Variants in KDM7A observed in about 807,000 individuals in gnomAD.
KDM7A encodes the protein lysine-specific demethylase 7A.
Under a neutral mutation model 114.8 loss-of-function variants are expected in KDM7A, and 28 were observed. The observed-to-expected ratio is 0.24, with a 90% CI of 0.18 to 0.33. The LOEUF (loss-of-function observed/expected upper bound fraction) is 0.33. Among genes scored for constraint, KDM7A ranks in the 10% least tolerant of loss-of-function variants. The pLI is 1.00. For synonymous variants in KDM7A, 423 were observed against 397.8 expected, an observed-to-expected ratio of 1.06 and a Z score of -0.75; for missense variants, 942 against 1,142.5, an observed-to-expected ratio of 0.82 and a Z score of 2.53.
At position 140,096,712 on chromosome 7, in the gene KDM7A, C is replaced by T. The variant is rs765601569; in HGVS notation, c.2217G>A (p.Leu739=). ...TGGAATAGTGCAACCCTGCCATAGA[C>T]AGCATGCCCTGAATAGCTTCTTCCT... is the stretch of plus-strand genomic sequence containing the variant. ...STEEEAIQGM[L]SMAGLHYSTC... The change falls in exon 17 of 20, where the codon CTG becomes CTA. Residue 739 remains leucine, a synonymous_variant. Coordinates refer to ENST00000397560, the MANE Select transcript of KDM7A (RefSeq NM_030647.2). The T allele has an allele frequency of 6.2e-7, 1 of 1,614,182 alleles. No homozygotes were observed. Among genetic ancestry groups the T allele is most frequent in the South Asian group, 1.1e-5 (1 of 91,082 alleles).
intron 11 of KDM7A, among the ~76,000 whole-genome samples, chr7:140,110,544 C>T (rs1818413821): frequency 6.6e-6 from 1 of 152,166 alleles, no homozygotes; most frequent in Non-Finnish European, 1.5e-5. Flanking sequence ...TAGACACTAA[C>T]AGAACAACCT....
chr7:140,110,230 G>A (rs1818410088), intron 11 of KDM7A, among the ~76,000 whole-genome samples: 1 of 151,996 alleles, frequency 6.6e-6, no homozygotes, highest in African/African-American at 2.4e-5. Context: ...TATTCTTCAT[G>A]TTGGTTATCA....
At chr7:140,127,394 T>C in intron 5 of KDM7A, 48 bp downstream of exon 5, 2 of 1,506,302 alleles carry the variant, frequency 1.3e-6, no homozygotes, top group African/African-American at 1.4e-5. Flanking sequence ...TTACACTACA[T>C]TTAGCTAACA....
chr7:140,088,876 C>A lies in KDM7A; in HGVS notation c.*2218G>T. 1 of 178,108 alleles carries A rather than the reference C, an allele frequency of 5.6e-6. No individual in the cohort carries two copies. The highest frequency in any genetic ancestry group is 1.2e-5 in the Non-Finnish European group (1 of 86,148). 11.0% of individuals were successfully genotyped at this position (178,108 alleles called of 1,614,324 possible). A position where few individuals can be genotyped will look rare whatever the true frequency, so the allele number is the denominator to read the frequency against. ...AAATAAATTAAATTTCATTTTAATT[C>A]ATAAAAATAAAGTTTAATTTTAATT... On this transcript the variant is annotated 3_prime_UTR_variant, in exon 20 of 20. Coordinates refer to ENST00000397560, the MANE Select transcript of KDM7A (RefSeq NM_030647.2).
chr7:140,104,790 C>T (rs552889846), intron 11 of KDM7A, among the ~76,000 whole-genome samples: 1 of 151,704 alleles, frequency 6.6e-6, no homozygotes, highest in East Asian at 1.9e-4. Flanking sequence ...TTTTTTGGTT[C>T]CATATGAACT....
rs1366768906 is a variant in KDM7A at position 140,096,975 on chromosome 7, T to C, written c.2089A>G (p.Lys697Glu). ...TTCCTCATCACATTAGATTCCTCCT[T>C]AAAGTTGGATGTTATTTCTTGTTTC... ...EKKQEITSNF[K>E]EESNVMRNFL... is the part of the protein sequence containing the mutation. The change falls in exon 16 of 20, where the codon AAG (lysine) becomes GAG (glutamate). Residue 697 changes from lysine (K) to glutamate (E), a missense_variant. Transcript: ENST00000397560. 5.6e-6 allele frequency: 9 copies of C among 1,612,744 alleles called. No individual in the cohort carries two copies. The highest frequency in any genetic ancestry group is 1.1e-5 in the South Asian group (1 of 91,060).
intron 1 of KDM7A, among the ~76,000 whole-genome samples, chr7:140,164,672 C>T (rs1038826704): frequency 2.0e-5 from 3 of 152,130 alleles, no homozygotes; most frequent in Non-Finnish European, 4.4e-5. Context: ...AAACTGTTAA[C>T]TATTTTTAAT....
Position 140,100,641 on chromosome 7 carries a change from T to C in KDM7A, c.1639-618A>G, listed in dbSNP as rs544439833. ...CTTAAAACATTATAATTACATACAA[T>C]TTAAAATATTTTAAAAAGTTATATA... On this transcript the variant is annotated intron_variant, in intron 12 of 19. Transcript: ENST00000397560. Among the ~76,000 whole-genome samples, 30 of 142,686 alleles carry C rather than the reference T, an allele frequency of 2.1e-4. No homozygotes were observed. The South Asian group carries it at 6.2e-3, about 29-fold the overall frequency. The allele number at this position is 142,686 out of a possible 152,430, so 93.6% of individuals were successfully genotyped here.
chr7:140,124,121 C>T (rs533047729), intron 7 of KDM7A, among the ~76,000 whole-genome samples: 156 of 150,740 alleles, frequency 1.0e-3, no homozygotes, highest in Non-Finnish European at 1.8e-3. Flanking sequence ...AGAAGCTAGA[C>T]GCAAAAGCCC....
chr7:140,171,495 T>C (rs976732486), intron 1 of KDM7A, among the ~76,000 whole-genome samples: 1 of 134,472 alleles, frequency 7.4e-6, no homozygotes, highest in African/African-American at 2.8e-5. Flanking sequence ...TTTATATTTA[T>C]ATACATATTT....
Position 140,090,767 on chromosome 7 carries a change from T to C in KDM7A, c.*327A>G, listed in dbSNP as rs1328840263. The C allele has an allele frequency of 3.8e-6, 1 of 265,986 alleles. No homozygotes were observed. The highest frequency in any genetic ancestry group is 2.2e-5 in the African/African-American group (1 of 45,534). 16.5% of individuals were successfully genotyped at this position (265,986 alleles called of 1,614,324 possible). The stretch of plus-strand genomic sequence containing the variant: ...AAAAAAAAATCTGTTAAATAAATTA[T>C]TGATAATTCTTTACCCTACCACTGA... On this transcript the variant is annotated 3_prime_UTR_variant, in exon 20 of 20. Transcript: ENST00000397560.
chr7:140,096,622 G>A lies in KDM7A; in HGVS notation c.2307C>T (p.Pro769=). ...CSGERNSLQD[P]SSCHGSNHEV... ...CATGGTTACTGCCATGGCAGCTGCT[G>A]GGATCCTGGAGAGAGTTTCTTTCAC... Residue 769 remains proline, a synonymous_variant, in exon 17 of 20, where the codon CCC becomes CCT. Coordinates refer to ENST00000397560, the MANE Select transcript of KDM7A (RefSeq NM_030647.2). 6.2e-7 allele frequency: 1 copy of A among 1,614,126 alleles called. No homozygotes were observed. The highest frequency in any genetic ancestry group is 1.7e-5 in the Admixed American group (1 of 60,022).
chr7:140,153,701 T>C (rs1472567023), intron 1 of KDM7A, among the ~76,000 whole-genome samples: 3 of 152,220 alleles, frequency 2.0e-5, no homozygotes, highest in African/African-American at 7.2e-5. Context: ...ATTATGCCAT[T>C]TAGCATGCCT....
intron 1 of KDM7A, among the ~76,000 whole-genome samples, chr7:140,158,292 A>G (rs1325766922): frequency 2.0e-5 from 3 of 152,218 alleles, no homozygotes; most frequent in African/African-American, 7.2e-5. Context: ...GAGGGGGACC[A>G]GTTAGGAGGC....
intron 1 of KDM7A, among the ~76,000 whole-genome samples, chr7:140,169,653 A>G (rs62491438): frequency 0.07 from 10,571 of 151,978 alleles, 416 homozygotes; most frequent in Non-Finnish European, 0.09. Context: ...AGCCTCCCGG[A>G]TAGCTGGGAT....
chr7:140,101,251 T>A (rs1009029076), intron 12 of KDM7A, among the ~76,000 whole-genome samples: 2 of 152,174 alleles, frequency 1.3e-5, no homozygotes, highest in African/African-American at 2.4e-5. Flanking sequence ...ACTGATCTCA[T>A]TACTACCTCC....
At chr7:140,111,548 G>GAGAA (rs1393079167) in intron 10 of KDM7A, among the ~76,000 whole-genome samples, 1 of 152,156 alleles carries the variant, frequency 6.6e-6, no homozygotes, top group Non-Finnish European at 1.5e-5. Flanking sequence ...GATTTTTAAG[G>GAGAA]AGAACACAGA....
At position 140,127,525 on chromosome 7, in the gene KDM7A, T is replaced by C. The variant is rs2286075; in HGVS notation, c.618A>G (p.Thr206=). 81 of 1,613,852 alleles carry C rather than the reference T, an allele frequency of 5.0e-5. No individual in the cohort carries two copies. The East Asian group carries it at 1.4e-3, about 28-fold the overall frequency. Residue 206 remains threonine (T), a synonymous_variant, in exon 5 of 20, where the codon ACA becomes ACG. Transcript: ENST00000397560. ...TGAAGTATTTAACATAATTGTGAAGTGTCATTTTGCTGTCTGCCTGCCTCG... is the reference window on the plus strand; with the variant it reads ...TGAAGTATTTAACATAATTGTGAAGCGTCATTTTGCTGTCTGCCTGCCTCG... ...DVARQADSKM[T]LHNYVKYFMN...
chr7:140,114,659 C>T (rs558013345), intron 9 of KDM7A, among the ~76,000 whole-genome samples: 11 of 152,144 alleles, frequency 7.2e-5, no homozygotes, highest in African/African-American at 1.4e-4. Flanking sequence ...CCCCTCTGCC[C>T]GGCTGCCCAG....
Sources: allele counts gnomAD v4.1 joint callset (sites outside exome capture counted in the v4.1 genomes callset), GRCh38; gene constraint gnomAD v4.1.1; transcripts MANE v1.5; gene names NCBI Gene and HGNC (gene_info 2026-07-23, HGNC 2026-07-21).